Variants in FHAD1 observed in about 807,000 individuals in gnomAD.
FHAD1 encodes the protein forkhead-associated domain-containing protein 1.
A neutral mutation model predicts 191.3 loss-of-function variants in FHAD1; 146 were observed. The ratio of observed to expected loss-of-function variants is 0.76; its 90% CI spans 0.67 to 0.88. The LOEUF (loss-of-function observed/expected upper bound fraction) is 0.88, where lower values mean the gene tolerates loss of function less well. Ranked by LOEUF, FHAD1 falls within the 40% of genes least tolerant of loss-of-function variation. The pLI is 0.00. For missense variants in FHAD1, 1,635 were observed against 1,785.8 expected (o/e 0.92, Z 1.52); for synonymous variants, 616 against 672.3 (o/e 0.92, Z 1.29).
intron 2 of FHAD1, among the ~76,000 whole-genome samples, chr1:15,259,119 C>CT (rs1337416828): frequency 6.6e-6 from 1 of 152,084 alleles, no homozygotes; most frequent in Non-Finnish European, 1.5e-5. Flanking sequence ...AGTAGCCATC[C>CT]TAATGAGAGT....
intron 3 of FHAD1, among the ~76,000 whole-genome samples, chr1:15,275,873 T>C (rs1183331070): frequency 6.6e-6 from 1 of 152,216 alleles, no homozygotes; most frequent in Non-Finnish European, 1.5e-5. Context: ...GGAAGAGGAC[T>C]GTCCTAATAT....
intron 2 of FHAD1, among the ~76,000 whole-genome samples, chr1:15,265,970 C>CCAA (rs1653294836): frequency 1.3e-5 from 1 of 78,726 alleles, no homozygotes; most frequent in South Asian, 4.4e-4. Flanking sequence ...GACTCCATCT[C>CCAA]AAAAAAAAAA....
At chr1:15,378,192 C>G (rs747690793) in intron 28 of FHAD1, among the ~76,000 whole-genome samples, 2 of 151,978 alleles carry the variant, frequency 1.3e-5, no homozygotes, top group Non-Finnish European at 2.9e-5. Context: ...TGCTCAGGCA[C>G]GAGAATCACT....
chr1:15,258,778 G>A (rs1316201538), intron 2 of FHAD1, among the ~76,000 whole-genome samples: 3 of 151,816 alleles, frequency 2.0e-5, no homozygotes, highest in African/African-American at 7.3e-5. Flanking sequence ...AATAGAGACT[G>A]GGTTTCACCA....
chr1:15,396,336 G>A (rs999413150), intron 33 of FHAD1, among the ~76,000 whole-genome samples: 1 of 149,850 alleles, frequency 6.7e-6, no homozygotes, highest in Non-Finnish European at 1.5e-5. Flanking sequence ...AAAAAAAAAA[G>A]AAAAAATAGA....
chr1:15,341,122 C>T (rs760385947), intron 15 of FHAD1, among the ~76,000 whole-genome samples: 2 of 152,086 alleles, frequency 1.3e-5, no homozygotes, highest in African/African-American at 2.4e-5. Flanking sequence ...GCAGAGGTTG[C>T]GGGGAACCAA....
chr1:15,398,924 C>G (rs186454203), downstream of FHAD1, among the ~76,000 whole-genome samples: 455 of 152,128 alleles, frequency 3.0e-3, 1 homozygote, highest in African/African-American at 0.01. Flanking sequence ...AGGTTCAAGC[C>G]ATTCTTCAGC....
Position 15,298,306 on chromosome 1 carries a change from C to A in FHAD1, c.678+1513C>A, listed in dbSNP as rs574875276. On this transcript the variant is annotated intron_variant, in intron 5 of 33. Coordinates refer to ENST00000688493, the MANE Select transcript of FHAD1 (RefSeq NM_001391957.1). The stretch of plus-strand genomic sequence containing the variant: ...GAAAACCAAACATCGTATGTTCTCA[C>A]TGATATGTGGGAGCTAAGCTATGAG... Among the ~76,000 whole-genome samples, 5 of 152,312 alleles carry A rather than the reference C, an allele frequency of 3.3e-5. No homozygotes were observed. In the South Asian group the frequency reaches 1.0e-3, roughly 32 times the overall value.
At position 15,325,489 on chromosome 1, in the gene FHAD1, C is replaced by T. The variant is rs1678123496; in HGVS notation, c.1473+930C>T. 1 of 152,372 alleles carries T rather than the reference C, an allele frequency of 6.6e-6. No individual in the cohort carries two copies. The highest frequency in any genetic ancestry group is 1.5e-5 in the Non-Finnish European group (1 of 68,162). 9.4% of individuals were successfully genotyped at this position (152,372 alleles called of 1,614,324 possible). ...TCCATTTTCTACCATCCAAGCCTTA[C>T]CAGGCAGTGTGACCAGGCCTTTGTC... On this transcript the variant is annotated intron_variant, in intron 11 of 33. Transcript: ENST00000688493. The surrounding 1 kb of genome is among the most constrained non-coding windows in gnomAD (Gnocchi z 4.6).
At chr1:15,394,032 C>T (rs1705108977) in intron 33 of FHAD1, among the ~76,000 whole-genome samples, 3 of 152,160 alleles carry the variant, frequency 2.0e-5, no homozygotes, top group Admixed American at 6.6e-5. Flanking sequence ...AGTTCATTCA[C>T]ACCTGGGTGT....
intron 25 of FHAD1, 136 bp from the exon 26 acceptor site, chr1:15,369,234 T>C: frequency 9.1e-7 from 1 of 1,095,322 alleles, no homozygotes; most frequent in Non-Finnish European, 1.3e-6. Flanking sequence ...TCTCTAGAAA[T>C]ATGGGAACAG....
chr1:15,331,539 G>T (rs1681514346), intron 14 of FHAD1, among the ~76,000 whole-genome samples: 1 of 137,896 alleles, frequency 7.3e-6, no homozygotes, highest in Non-Finnish European at 1.6e-5. Flanking sequence ...TGAAAGGATG[G>T]ATGGAAGTGT....
At chr1:15,309,100 G>A (rs767126146) in intron 7 of FHAD1, among the ~76,000 whole-genome samples, 5 of 152,220 alleles carry the variant, frequency 3.3e-5, no homozygotes, top group African/African-American at 4.8e-5. Context: ...ACTAGAATGT[G>A]GCTAAAATGG....
Position 15,289,693 on chromosome 1 carries a change from C to CT in FHAD1, c.568+29dup, listed in dbSNP as rs982023028. On this transcript the variant is annotated intron_variant, in intron 4 of 33. Transcript: ENST00000688493. This position sits in a 1 kb window ranked among gnomAD's most constrained non-coding sequence, Gnocchi z 4.2. ...TATGCGTCAGGGCTGCCATTGGTGGCTTGGGGGTGGTTCACGGCCATGTGG... is the reference window on the plus strand; with the variant it reads ...TATGCGTCAGGGCTGCCATTGGTGGCTTTGGGGGTGGTTCACGGCCATGTGG... 6.5e-7 allele frequency: 1 copy of CT among 1,530,044 alleles called. No individual in the cohort carries two copies. The highest frequency in any genetic ancestry group is 2.0e-5 in the Admixed American group (1 of 50,506). 94.8% of individuals were successfully genotyped at this position (1,530,044 alleles called of 1,614,324 possible).
At chr1:15,304,691 C>T (rs761696791) in intron 6 of FHAD1, among the ~76,000 whole-genome samples, 86 of 152,212 alleles carry the variant, frequency 5.7e-4, no homozygotes, top group Non-Finnish European at 1.0e-3. Context: ...TGGAGACCTG[C>T]GCAAGTATGG....
At chr1:15,264,589 CT>C (rs1440045432) in intron 2 of FHAD1, among the ~76,000 whole-genome samples, 1 of 146,842 alleles carries the variant, frequency 6.8e-6, no homozygotes, top group African/African-American at 2.5e-5. Flanking sequence ...ATCTTTAGGG[CT>C]TTCTACATAT....
chr1:15,360,859 T>C (rs1694564367), intron 22 of FHAD1, among the ~76,000 whole-genome samples, 156 bp downstream of exon 22: 1 of 152,118 alleles, frequency 6.6e-6, no homozygotes, highest in Non-Finnish European at 1.5e-5. Context: ...TACACAACGA[T>C]GTCAGAAGCC....
At chr1:15,352,522 C>T (rs1195136201) in intron 19 of FHAD1, among the ~76,000 whole-genome samples, 1 of 152,238 alleles carries the variant, frequency 6.6e-6, no homozygotes, top group Non-Finnish European at 1.5e-5. Flanking sequence ...GGGCCAAGTA[C>T]TTCCAACAAA....
chr1:15,241,694 C>T (rs1383587262), intron 1 of FHAD1, among the ~76,000 whole-genome samples: 2 of 151,408 alleles, frequency 1.3e-5, no homozygotes, highest in Non-Finnish European at 2.9e-5. Context: ...AAACCCAGAA[C>T]GAATCTATGA....
Sources: gnomAD v4.1 joint callset for allele counts (sites outside exome capture counted in the v4.1 genomes callset) on GRCh38, gnomAD v4.1.1 for gene constraint, Gnocchi (gnomAD v3.1) non-coding constraint, MANE v1.5 for transcripts, NCBI Gene and HGNC (gene_info 2026-07-23, HGNC 2026-07-21) for gene names.